Variants in STAU2 observed in about 807,000 individuals in gnomAD.
STAU2 encodes the protein double-stranded RNA-binding protein Staufen homolog 2.
Under a neutral mutation model 65.9 loss-of-function variants are expected in STAU2, and 20 were observed. The ratio of observed to expected loss-of-function variants is 0.30; its 90% CI spans 0.21 to 0.44. The LOEUF (loss-of-function observed/expected upper bound fraction) is 0.44, where lower values mean the gene tolerates loss of function less well. STAU2 is among the 20% of genes least tolerant of loss of function. STAU2 has a pLI of 1.00. For missense variants in STAU2, 558 were observed against 683.9 expected, an observed-to-expected ratio of 0.82 and a Z score of 2.05; for synonymous variants, 232 against 233.9, an observed-to-expected ratio of 0.99 and a Z score of 0.07.
At position 73,473,094 on chromosome 8, in the gene STAU2, T is replaced by C. The variant is rs115435490; in HGVS notation, c.1531-50392A>G. On this transcript the variant is annotated intron_variant, in intron 13 of 14. Transcript: ENST00000524300. ...AGCATGAAGGAGGAAGAAGTGCTTA[T>C]ATAAAACTGTCATTCTTCACATACT... is the stretch of plus-strand genomic sequence containing the variant. Among the ~76,000 whole-genome samples, 854 of 152,312 alleles carry C rather than the reference T, an allele frequency of 5.6e-3. 11 individuals carry two copies. The highest frequency in any genetic ancestry group is 0.02 in the African/African-American group (828 of 41,564).
chr8:73,436,277 T>C (rs939333824), intron 13 of STAU2, among the ~76,000 whole-genome samples: 2 of 151,658 alleles, frequency 1.3e-5, no homozygotes, highest in Non-Finnish European at 2.9e-5. Flanking sequence ...GTAAAGGCAG[T>C]TTCTCTCAGT....
Position 73,617,312 on chromosome 8 carries a change from T to C in STAU2, c.550A>G (p.Ile184Val). 2.5e-6 allele frequency: 4 copies of C among 1,614,142 alleles called. No homozygotes were observed. The highest frequency in any genetic ancestry group is 1.3e-5 in the African/African-American group (1 of 75,064). ...CACACCTGAGGAGATCTTTCTGGAA[T>C]AGGTTCATTCTGCAGTGCTTGGAGG... ...KALQALQNEP[I>V]PERSPQNGES... The change falls in exon 7 of 15, where the codon ATT becomes GTT. Residue 184 changes from isoleucine (I) to valine (V), a missense_variant. By Grantham distance (29) the Ile-to-Val change is conservative. This residue lies in a region of STAU2 where 199 missense variants were observed against 299.5 expected (regional missense o/e 0.66). Coordinates refer to ENST00000524300, the MANE Select transcript of STAU2 (RefSeq NM_001164380.2).
At chr8:73,437,478 C>T (rs969531613) in intron 13 of STAU2, among the ~76,000 whole-genome samples, 5 of 152,160 alleles carry the variant, frequency 3.3e-5, no homozygotes, top group African/African-American at 9.7e-5. Flanking sequence ...CGGCTTCTCC[C>T]CTAGAGCCTC....
At chr8:73,678,075 A>T (rs1818138114) in intron 5 of STAU2, among the ~76,000 whole-genome samples, 2 of 152,146 alleles carry the variant, frequency 1.3e-5, no homozygotes, top group African/African-American at 2.4e-5. Flanking sequence ...ACTCCTGCAG[A>T]GCGGGAGGCA....
intron 13 of STAU2, chr8:73,550,579 C>G: frequency 3.1e-6 from 3 of 978,450 alleles, no homozygotes; most frequent in Non-Finnish European, 3.6e-6. Context: ...TCTAATTCAT[C>G]CTACGGAGAT....
chr8:73,561,925 G>T (rs1196315122), intron 12 of STAU2, among the ~76,000 whole-genome samples: 1 of 152,184 alleles, frequency 6.6e-6, no homozygotes, highest in Non-Finnish European at 1.5e-5. Context: ...CTGGCTTAAA[G>T]TCACAGCCAG....
chr8:73,657,527 T>A (rs1236348983), intron 6 of STAU2, among the ~76,000 whole-genome samples: 1 of 152,224 alleles, frequency 6.6e-6, no homozygotes, highest in Non-Finnish European at 1.5e-5. Flanking sequence ...TCAACAGTTA[T>A]AGCAATAAAC....
At chr8:73,433,929 C>A (rs1215337492) in intron 13 of STAU2, among the ~76,000 whole-genome samples, 1 of 151,882 alleles carries the variant, frequency 6.6e-6, no homozygotes, top group Non-Finnish European at 1.5e-5. Context: ...GTGTGGCGGG[C>A]AGAATCGTAG....
At chr8:73,497,724 CTT>C (rs991885130) in intron 13 of STAU2, among the ~76,000 whole-genome samples, 6 of 151,694 alleles carry the variant, frequency 4.0e-5, no homozygotes, top group African/African-American at 1.2e-4. Flanking sequence ...TTATACCAAA[CTT>C]TACAGAAATT....
intron 4 of STAU2, among the ~76,000 whole-genome samples, chr8:73,701,621 C>G (rs143128239): frequency 6.6e-6 from 1 of 152,094 alleles, no homozygotes; most frequent in Non-Finnish European, 1.5e-5. Context: ...TACCCTCATA[C>G]GTTGTTAGCA....
chr8:73,631,597 A>G (rs190775829), intron 6 of STAU2, among the ~76,000 whole-genome samples: 11 of 152,352 alleles, frequency 7.2e-5, no homozygotes, highest in African/African-American at 2.6e-4. Context: ...TCTGTTCTAC[A>G]CAGACTGTTC....
chr8:73,538,732 C>T (rs1374921773), intron 13 of STAU2, among the ~76,000 whole-genome samples: 1 of 149,468 alleles, frequency 6.7e-6, no homozygotes, highest in African/African-American at 2.5e-5. Flanking sequence ...GTAATGGGGA[C>T]CAAGAAACTT....
intron 5 of STAU2, among the ~76,000 whole-genome samples, chr8:73,686,940 T>A (rs1818879922): frequency 6.7e-6 from 1 of 148,970 alleles, no homozygotes; most frequent in African/African-American, 2.5e-5. Context: ...TCGCCCAGGC[T>A]GGAGTGTAGT....
intron 10 of STAU2, among the ~76,000 whole-genome samples, chr8:73,601,686 T>C (rs375729105): frequency 6.6e-6 from 1 of 152,156 alleles, no homozygotes; most frequent in Non-Finnish European, 1.5e-5. Flanking sequence ...TGCGAAAACA[T>C]TTAAAAGCAC....
chr8:73,744,316 A>C (rs1168113908), intron 1 of STAU2, among the ~76,000 whole-genome samples: 1 of 152,158 alleles, frequency 6.6e-6, no homozygotes, highest in Admixed American at 6.5e-5. Flanking sequence ...CTATATGTGA[A>C]TAATCATACT....
chr8:73,508,463 C>A (rs1822193494), intron 13 of STAU2, among the ~76,000 whole-genome samples: 1 of 151,994 alleles, frequency 6.6e-6, no homozygotes, highest in South Asian at 2.1e-4. Context: ...ATTTGTGGCA[C>A]CCTAAAACAA....
At chr8:73,531,810 C>T (rs1805838557) in intron 13 of STAU2, among the ~76,000 whole-genome samples, 1 of 152,204 alleles carries the variant, frequency 6.6e-6, no homozygotes, top group African/African-American at 2.4e-5. Flanking sequence ...TCAGAACTGA[C>T]TGGGTAAACT....
chr8:73,423,093 T>G (rs1816512011), intron 13 of STAU2, among the ~76,000 whole-genome samples: 1 of 152,252 alleles, frequency 6.6e-6, no homozygotes, highest in African/African-American at 2.4e-5. Flanking sequence ...CTTTCCAAAG[T>G]AAGCATAAAG....
intron 9 of STAU2, among the ~76,000 whole-genome samples, chr8:73,609,754 T>C (rs796680092): frequency 1.3e-5 from 2 of 152,122 alleles, no homozygotes; most frequent in African/African-American, 2.4e-5. Flanking sequence ...GAAATCCCAA[T>C]GAAAAGGTAA....
Sources: gnomAD v4.1 joint callset for allele counts (sites outside exome capture counted in the v4.1 genomes callset) on GRCh38, gnomAD v4.1.1 for gene constraint, gnomAD v4.1.1 regional missense constraint, MANE v1.5 for transcripts, NCBI Gene and HGNC (gene_info 2026-07-23, HGNC 2026-07-21) for gene names.